Variants in FBXW11 observed in about 807,000 individuals in gnomAD.
The protein encoded by FBXW11 is F-box and WD repeat domain containing 11.
In FBXW11, 19 loss-of-function variants were observed where a neutral mutation model predicts 77.6. The observed-to-expected ratio is 0.24, with a 90% CI of 0.17 to 0.36. The LOEUF (loss-of-function observed/expected upper bound fraction) is 0.36. Ranked by LOEUF, FBXW11 falls within the 10% of genes least tolerant of loss-of-function variation. The pLI is 1.00. For synonymous variants in FBXW11, 235 were observed against 249.4 expected, an observed-to-expected ratio of 0.94 and a Z score of 0.54; for missense variants, 334 against 704.2, an observed-to-expected ratio of 0.47 and a Z score of 5.95.
chr5:171,915,479 A>T (rs892760713), intron 2 of FBXW11, among the ~76,000 whole-genome samples: 5 of 152,172 alleles, frequency 3.3e-5, no homozygotes, highest in African/African-American at 1.2e-4. Flanking sequence ...GTAATGATGT[A>T]AGAATCACCA....
At chr5:171,992,232 A>T (rs1289463722) in intron 1 of FBXW11, among the ~76,000 whole-genome samples, 1 of 152,006 alleles carries the variant, frequency 6.6e-6, no homozygotes, top group African/African-American at 2.4e-5. Context: ...GTTTCAGACC[A>T]GCCTGGCCAA....
intron 2 of FBXW11, among the ~76,000 whole-genome samples, chr5:171,947,683 A>G (rs926941714): frequency 5.3e-5 from 8 of 152,174 alleles, no homozygotes; most frequent in South Asian, 2.1e-4. Flanking sequence ...ATTATTGTAT[A>G]CCCAGACAAT....
chr5:171,897,541 A>G (rs1425755605), intron 6 of FBXW11, among the ~76,000 whole-genome samples: 2 of 152,210 alleles, frequency 1.3e-5, no homozygotes, highest in Non-Finnish European at 2.9e-5. Flanking sequence ...AGATACTGTC[A>G]TGCCACAGAA....
chr5:171,998,724 G>T (rs1766223359), intron 1 of FBXW11, among the ~76,000 whole-genome samples: 1 of 149,380 alleles, frequency 6.7e-6, no homozygotes, highest in African/African-American at 2.5e-5. Flanking sequence ...TTGAACCCGG[G>T]AGACAGAGGC....
At chr5:171,964,607 C>T (rs1400935410) in intron 1 of FBXW11, among the ~76,000 whole-genome samples, 1 of 152,214 alleles carries the variant, frequency 6.6e-6, no homozygotes, top group South Asian at 2.1e-4. Context: ...AAAGTAAGGA[C>T]AAAGCATTCA....
At chr5:171,994,624 T>C (rs775144290) in intron 1 of FBXW11, among the ~76,000 whole-genome samples, 6 of 152,180 alleles carry the variant, frequency 3.9e-5, no homozygotes, top group Non-Finnish European at 8.8e-5. Context: ...AAAGTTTATA[T>C]GTATAAAATA....
At position 171,954,803 on chromosome 5, in the gene FBXW11, A is replaced by G. The variant is rs1032944560; in HGVS notation, c.147+2794T>C. Among the ~76,000 whole-genome samples, 10 of 152,306 alleles carry G rather than the reference A, an allele frequency of 6.6e-5. No individual in the cohort carries two copies. In the East Asian group the frequency reaches 1.5e-3, roughly 23 times the overall value. On this transcript the variant is annotated intron_variant, in intron 2 of 13. Transcript: ENST00000517395. ...CAGGTTTTTCTTTTCTTATTTTCAA[A>G]TAATATTAATAACTAAACAAACCAT...
At chr5:171,874,802 C>T (rs1010549557) in intron 9 of FBXW11, among the ~76,000 whole-genome samples, 2 of 143,132 alleles carry the variant, frequency 1.4e-5, no homozygotes. Flanking sequence ...AGTGCCTGTA[C>T]TCCCAGCTAC....
intron 2 of FBXW11, among the ~76,000 whole-genome samples, chr5:171,920,544 A>C (rs1322527954): frequency 6.6e-6 from 1 of 152,084 alleles, no homozygotes; most frequent in Non-Finnish European, 1.5e-5. Context: ...TGCACAACAC[A>C]GTGAGACTCT....
chr5:171,967,881 TATAC>T (rs1319040149), intron 1 of FBXW11, among the ~76,000 whole-genome samples: 5 of 64,916 alleles, frequency 7.7e-5, no homozygotes, highest in African/African-American at 1.9e-4. Flanking sequence ...TATATATATA[TATAC>T]ACACACACAC....
Position 171,910,770 on chromosome 5 carries a change from C to A in FBXW11, c.238G>T (p.Val80Phe). Residue 80 changes from valine to phenylalanine, a missense_variant, in exon 4 of 14, where the codon GTC (valine) becomes TTC (phenylalanine). Val to Phe is a conservative substitution (Grantham distance 50). Around this residue, in one of 10 missense-constraint regions of FBXW11, gnomAD observed 80 missense variants for 105.1 expected, o/e 0.76. Transcript: ENST00000517395. ...CCTTCTGATGGCCTCTTTCTGGAGA[C>A]GATCACAGATGATGTTCCATTACTT... ...QISNGTSSVI[V>F]SRKRPSEGNY... 6.2e-7 allele frequency: 1 copy of A among 1,606,656 alleles called. No individual in the cohort carries two copies. The highest frequency in any genetic ancestry group is 1.7e-5 in the Admixed American group (1 of 58,926).
chr5:171,946,884 G>A (rs1281511487), intron 2 of FBXW11, among the ~76,000 whole-genome samples: 2 of 137,678 alleles, frequency 1.5e-5, no homozygotes, highest in African/African-American at 2.7e-5. Flanking sequence ...GCGGGATCTC[G>A]GCTCACTGCA....
intron 7 of FBXW11, among the ~76,000 whole-genome samples, chr5:171,888,742 C>T (rs1277636312): frequency 1.3e-5 from 2 of 152,126 alleles, no homozygotes; most frequent in African/African-American, 4.8e-5. Context: ...TGGAGGTTAC[C>T]CAGATGCTGA....
At chr5:171,900,168 AAAGAT>A (rs1322981608) in intron 4 of FBXW11, 68 bp from the exon 5 acceptor site, 27 of 1,357,080 alleles carry the variant, frequency 2.0e-5, no homozygotes, top group Non-Finnish European at 2.6e-5. Flanking sequence ...TCATTTCCTT[AAAGAT>A]AAGAGGAATA....
rs550344375 is a variant in FBXW11, at chr5:171,886,654, G to C, written c.852+4813C>G. 2.0e-5 allele frequency among the ~76,000 whole-genome samples: 3 copies of C among 152,154 alleles called. No homozygotes were observed. The East Asian group carries it at 5.8e-4, about 29-fold the overall frequency. On this transcript the variant is annotated intron_variant, in intron 7 of 13. Transcript: ENST00000517395. ...GAAAAACCACCAGTATTAAATAGTAGCATATGTCACACTTTCTAGAGTATA... is the reference window on the plus strand; with the variant it reads ...GAAAAACCACCAGTATTAAATAGTACCATATGTCACACTTTCTAGAGTATA...
At chr5:172,001,844 A>G (rs1254525520) in intron 1 of FBXW11, among the ~76,000 whole-genome samples, 1 of 152,230 alleles carries the variant, frequency 6.6e-6, no homozygotes, top group Admixed American at 6.5e-5. Flanking sequence ...ACCACCTATT[A>G]GATCCTTTTG....
chr5:171,906,959 A>C (rs985284124), intron 4 of FBXW11, among the ~76,000 whole-genome samples: 16 of 152,226 alleles, frequency 1.1e-4, no homozygotes, highest in Non-Finnish European at 1.9e-4. Flanking sequence ...CAGACAGCCA[A>C]GTGTTTCAAA....
chr5:171,939,344 C>T (rs1242602876), intron 2 of FBXW11, among the ~76,000 whole-genome samples: 1 of 152,112 alleles, frequency 6.6e-6, no homozygotes, highest in Non-Finnish European at 1.5e-5. Context: ...TGAAAACCCA[C>T]CCAAGTGACT....
At chr5:171,880,274 G>A (rs1205881162) in intron 7 of FBXW11, among the ~76,000 whole-genome samples, 1 of 152,046 alleles carries the variant, frequency 6.6e-6, no homozygotes, top group Admixed American at 6.6e-5. Flanking sequence ...TATATTTCTG[G>A]GCTCTCTATT....
Sources: gnomAD v4.1 joint callset for allele counts (sites outside exome capture counted in the v4.1 genomes callset) on GRCh38, gnomAD v4.1.1 for gene constraint, gnomAD v4.1.1 regional missense constraint, MANE v1.5 for transcripts, NCBI Gene and HGNC (gene_info 2026-07-23, HGNC 2026-07-21) for gene names.